NUP35: variants seen among roughly 807,000 people sequenced by gnomAD.
The protein encoded by NUP35 is nucleoporin NUP35.
NUP35 carries 25 observed loss-of-function variants against 41.5 expected under a neutral mutation model. The ratio of observed to expected loss-of-function variants is 0.60; its 90% CI spans 0.44 to 0.84. The LOEUF (loss-of-function observed/expected upper bound fraction) is 0.84, where lower values mean the gene tolerates loss of function less well. NUP35 is among the 40% of genes least tolerant of loss of function. The probability of loss-of-function intolerance (pLI) is 0.00; values close to 1 mark genes in which losing one functional copy is unlikely to be tolerated. For missense variants in NUP35, 396 were observed against 396.6 expected, an observed-to-expected ratio of 1.00 and a Z score of 0.01; for synonymous variants, 149 against 130.7, an observed-to-expected ratio of 1.14 and a Z score of -0.96.
intron 4 of NUP35, among the ~76,000 whole-genome samples, chr2:183,135,155 C>T (rs1684831872): frequency 6.6e-6 from 1 of 152,072 alleles, no homozygotes; most frequent in Non-Finnish European, 1.5e-5. Flanking sequence ...GGGTTAATTC[C>T]ACCTGCAACC....
At chr2:183,155,077 T>C (rs1439239110) in intron 5 of NUP35, among the ~76,000 whole-genome samples, 5 of 152,090 alleles carry the variant, frequency 3.3e-5, no homozygotes, top group African/African-American at 1.2e-4. Flanking sequence ...CTCTCTCAGG[T>C]CCCTCTCACA....
chr2:183,129,156 C>G (rs931965706), intron 2 of NUP35, among the ~76,000 whole-genome samples: 1 of 152,106 alleles, frequency 6.6e-6, no homozygotes, highest in Non-Finnish European at 1.5e-5. Context: ...GATGTAGATA[C>G]GAATTCTGCC....
intron 4 of NUP35, among the ~76,000 whole-genome samples, chr2:183,147,915 A>ATT (rs35434258): frequency 5.5e-5 from 8 of 145,888 alleles, no homozygotes; most frequent in Admixed American, 6.8e-5. Context: ...AGGTATTTTA[A>ATT]TTTTTTTTTT....
At position 183,133,550 on chromosome 2, in the gene NUP35, T is replaced by G. The variant is rs372124211; in HGVS notation, c.340-16T>G. 12 of 1,598,300 alleles carry G rather than the reference T, an allele frequency of 7.5e-6. No homozygotes were observed. In the East Asian group the frequency reaches 2.7e-4, roughly 36 times the overall value. On this transcript the variant is annotated splice_polypyrimidine_tract_variant and intron_variant, in intron 3 of 8. Coordinates refer to ENST00000295119, the MANE Select transcript of NUP35 (RefSeq NM_138285.5). Reference sequence around the variant, plus strand: ...GTTTTGCATTTTTACCATAACACTTTCTTCTGTTTGTGTAGCCAAACATTT... The same window carrying G: ...GTTTTGCATTTTTACCATAACACTTGCTTCTGTTTGTGTAGCCAAACATTT...
intron 4 of NUP35, among the ~76,000 whole-genome samples, chr2:183,143,376 G>A (rs1467940955): frequency 6.6e-6 from 1 of 151,812 alleles, no homozygotes; most frequent in Non-Finnish European, 1.5e-5. Flanking sequence ...CATAGGATTC[G>A]GTATTGGCAG....
chr2:183,155,401 A>G (rs920840987), intron 5 of NUP35, among the ~76,000 whole-genome samples: 1 of 152,050 alleles, frequency 6.6e-6, no homozygotes, highest in Non-Finnish European at 1.5e-5. Flanking sequence ...TTTTTTGTGT[A>G]TGTTTCCAGA....
chr2:183,146,804 C>A (rs1685296212), intron 4 of NUP35, among the ~76,000 whole-genome samples: 1 of 152,094 alleles, frequency 6.6e-6, no homozygotes, highest in Non-Finnish European at 1.5e-5. Context: ...GCCATGTTGT[C>A]CAGGCTTGTC....
chr2:183,132,056 C>G (rs1378531423), intron 3 of NUP35, among the ~76,000 whole-genome samples: 1 of 151,950 alleles, frequency 6.6e-6, no homozygotes, highest in African/African-American at 2.4e-5. Flanking sequence ...CAGGGTCTTG[C>G]TCTATCACCC....
intron 6 of NUP35, among the ~76,000 whole-genome samples, chr2:183,157,865 G>A (rs1685726122): frequency 6.6e-6 from 1 of 152,038 alleles, no homozygotes; most frequent in Non-Finnish European, 1.5e-5. Context: ...CAGTTCCTGA[G>A]CTTTTAGAGT....
chr2:183,118,283 C>T (rs1166522567), intron 1 of NUP35: 1 of 152,092 alleles, frequency 6.6e-6, no homozygotes, highest in Non-Finnish European at 1.5e-5. Context: ...TAATATTCAT[C>T]TACAGAGGAA....
rs1685471660 is a variant in NUP35 at position 183,151,601 on chromosome 2, C to A, written c.491C>A (p.Ser164Tyr). Residue 164 changes from serine to tyrosine, a missense_variant, in exon 5 of 9, where the codon TCT becomes TAT. Coordinates refer to ENST00000295119, the MANE Select transcript of NUP35 (RefSeq NM_138285.5). The part of the protein sequence containing the change: ...QLDPFYTQGD[S>Y]LTSEDHLDDS... The stretch of plus-strand genomic sequence containing the variant: ...GATCCTTTTTATACTCAAGGAGATT[C>A]TTTGACTTCAGAAGATCACCTCGAT... 1 of 1,613,820 alleles carries A rather than the reference C, an allele frequency of 6.2e-7. No homozygotes were observed. Among genetic ancestry groups the A allele is most frequent in the African/African-American group, 1.3e-5 (1 of 74,916 alleles).
chr2:183,131,390 T>G (rs551041780), intron 3 of NUP35: 1 of 152,666 alleles, frequency 6.6e-6, no homozygotes, highest in African/African-American at 2.4e-5. Context: ...GCTGTTTGCT[T>G]TAGATATATG....
upstream of NUP35, chr2:183,124,391 G>T: frequency 1.2e-6 from 2 of 1,613,696 alleles, no homozygotes; most frequent in Non-Finnish European, 8.5e-7. Flanking sequence ...TTACCCGTGG[G>T]GAGCGTTTCC....
At position 183,161,620 on chromosome 2, in the gene NUP35, C is replaced by A. The variant is rs2105630523; in HGVS notation, c.*489C>A. The A allele has an allele frequency of 6.6e-6, 1 of 152,174 alleles. No homozygotes were observed. Among genetic ancestry groups the A allele is most frequent in the South Asian group, 2.1e-4 (1 of 4,818 alleles). 9.4% of individuals were successfully genotyped at this position (152,174 alleles called of 1,614,324 possible). A position where few individuals can be genotyped will look rare whatever the true frequency, so the allele number is the denominator to read the frequency against. The stretch of plus-strand genomic sequence containing the variant: ...TCACAGAGTGTCCTCTTGGTGTATT[C>A]TAAAACGAGCATTCTTTTAAAAAAC... On this transcript the variant is annotated 3_prime_UTR_variant, in exon 9 of 9. Transcript: ENST00000295119.
At chr2:183,153,866 G>T (rs1429180996) in intron 5 of NUP35, among the ~76,000 whole-genome samples, 2 of 152,180 alleles carry the variant, frequency 1.3e-5, no homozygotes, top group Non-Finnish European at 2.9e-5. Flanking sequence ...CTGCCCTAGC[G>T]GAGGTTCTCC....
intron 2 of NUP35, among the ~76,000 whole-genome samples, chr2:183,129,723 G>A (rs1008828648): frequency 6.6e-6 from 1 of 152,128 alleles, no homozygotes; most frequent in Non-Finnish European, 1.5e-5. Context: ...GTAAGTGAGC[G>A]AGCGCTATAA....
At chr2:183,152,425 C>T (rs901236220) in intron 5 of NUP35, among the ~76,000 whole-genome samples, 3 of 152,068 alleles carry the variant, frequency 2.0e-5, no homozygotes, top group South Asian at 2.1e-4. Context: ...AGTCTTTATC[C>T]GTCACCCCTT....
intron 5 of NUP35, among the ~76,000 whole-genome samples, chr2:183,156,308 G>T (rs1029813518): frequency 2.0e-5 from 3 of 152,040 alleles, no homozygotes; most frequent in African/African-American, 7.2e-5. Flanking sequence ...AGTTCTGATT[G>T]CAGTGAATAT....
intron 8 of NUP35, chr2:183,160,362 A>G (rs1026068669): frequency 1.3e-5 from 2 of 152,178 alleles, no homozygotes; most frequent in East Asian, 3.9e-4. Context: ...TAAATTTCCC[A>G]TTCAGTGCAG....
Sources: gnomAD v4.1 joint callset for allele counts (sites outside exome capture counted in the v4.1 genomes callset) on GRCh38, gnomAD v4.1.1 for gene constraint, MANE v1.5 for transcripts, NCBI Gene and HGNC (gene_info 2026-07-23, HGNC 2026-07-21) for gene names.